The following DMD variants were observed in gnomAD, a reference collection of about 807,000 sequenced individuals.
DMD encodes the protein mutant dystrophin.
A neutral mutation model predicts 330.1 loss-of-function variants in DMD; 63 were observed. The ratio of observed to expected loss-of-function variants is 0.19; its 90% CI spans 0.16 to 0.24. The LOEUF is 0.24. Among genes scored for constraint, DMD ranks in the 10% least tolerant of loss-of-function variants. The pLI, the probability that DMD is intolerant of heterozygous loss-of-function variation, is 1.00. For synonymous variants in DMD, 1,223 were observed against 959.8 expected (o/e 1.27, Z -5.07); for missense variants, 3,344 against 2,684.1 (o/e 1.25, Z -5.43).
At chrX:32,055,365 A>G (rs755819993) in intron 44 of DMD, among the ~76,000 whole-genome samples, 30 of 112,336 alleles carry the variant, frequency 2.7e-4, no homozygotes, top group Middle Eastern at 4.6e-3. Context: ...TTTCAAAACG[A>G]TGTGACATTC....
chrX:33,277,630 T>C (rs752496875), intron 1 of DMD, among the ~76,000 whole-genome samples: 3 of 110,762 alleles, frequency 2.7e-5, no homozygotes, highest in Non-Finnish European at 5.7e-5. Context: ...AAGCTAGTCA[T>C]GCTCAATCAT....
In DMD at chrX:32,609,931, C is replaced by T. The variant is rs765471238; in HGVS notation, c.1482+4372G>A. 1.1e-4 allele frequency among the ~76,000 whole-genome samples: 12 copies of T among 110,976 alleles called. No individual in the cohort carries two copies. In the East Asian group the frequency reaches 2.3e-3, roughly 21 times the overall value. On this transcript the variant is annotated intron_variant, in intron 12 of 78. Transcript: ENST00000357033. ...TAGTAAACTCAGCTTTAAACTTCAT[C>T]GCAGTCTCACTGTGCCAGGAGACAA... is the stretch of plus-strand genomic sequence containing the variant.
chrX:31,173,652 A>G, intron 71 of DMD, 48 bp from the exon 72 acceptor site: 1 of 1,109,243 alleles, frequency 9.0e-7, no homozygotes, highest in Non-Finnish European at 1.2e-6. Flanking sequence ...CCATTAATGG[A>G]GAAAAAACCC....
chrX:33,333,396 C>T (rs1188907664), intron 1 of DMD, among the ~76,000 whole-genome samples: 2 of 111,025 alleles, frequency 1.8e-5, no homozygotes, highest in Admixed American at 1.9e-4. Context: ...TTCAGTGGGT[C>T]TCCCTCATTG....
At chrX:32,034,683 G>T (rs1388492187) in intron 44 of DMD, among the ~76,000 whole-genome samples, 10 of 111,200 alleles carry the variant, frequency 9.0e-5, no homozygotes, top group African/African-American at 3.3e-4. Context: ...TTTCAAAGAA[G>T]ATTTAAAATG....
At chrX:32,164,198 C>T (rs1158389087) in intron 44 of DMD, among the ~76,000 whole-genome samples, 13 of 111,397 alleles carry the variant, frequency 1.2e-4, no homozygotes, top group African/African-American at 3.9e-4. Flanking sequence ...TAGTGAGGTA[C>T]TGCTATAAAG....
At chrX:31,153,133 A>T (rs1245893369) in intron 74 of DMD, among the ~76,000 whole-genome samples, 1 of 111,663 alleles carries the variant, frequency 9.0e-6, no homozygotes, top group Non-Finnish European at 1.9e-5. Context: ...TGATACAGAG[A>T]TATCACTCAT....
chrX:32,692,120 A>G (rs1263708183), intron 9 of DMD, among the ~76,000 whole-genome samples: 1 of 112,200 alleles, frequency 8.9e-6, no homozygotes, highest in African/African-American at 3.2e-5. Flanking sequence ...TTTTACACTT[A>G]AAAATCAGTT....
chrX:31,191,468 T>C (rs1217776333), intron 67 of DMD, among the ~76,000 whole-genome samples: 1 of 111,579 alleles, frequency 9.0e-6, no homozygotes, highest in Non-Finnish European at 1.9e-5. Context: ...AATTCCCACA[T>C]GTCGTGGGAG....
At chrX:32,808,013 T>C (rs772220352) in intron 7 of DMD, among the ~76,000 whole-genome samples, 2 of 111,687 alleles carry the variant, frequency 1.8e-5, no homozygotes, top group East Asian at 5.7e-4. Context: ...TCCTCAGAGG[T>C]TGAAGTCCGT....
chrX:32,580,716 T>C (rs1601859910), intron 13 of DMD, among the ~76,000 whole-genome samples: 1 of 112,351 alleles, frequency 8.9e-6, no homozygotes, highest in East Asian at 2.8e-4. Context: ...CAATTAATGA[T>C]AATTTTTTTT....
intron 44 of DMD, among the ~76,000 whole-genome samples, chrX:32,025,765 G>A (rs1219857651): frequency 9.0e-6 from 1 of 111,438 alleles, no homozygotes; most frequent in Non-Finnish European, 1.9e-5. Flanking sequence ...ATAAAAACAC[G>A]GTCAGAGTTA....
intron 3 of DMD, 151 bp from the exon 4 acceptor site, chrX:32,845,011 G>A (rs2080530671): frequency 1.1e-5 from 6 of 528,862 alleles, no homozygotes; most frequent in South Asian, 5.2e-5. Context: ...AATACTTTGC[G>A]CTAATTGTCC....
At chrX:32,368,243 A>T (rs1031360160) in intron 34 of DMD, among the ~76,000 whole-genome samples, 17 of 111,538 alleles carry the variant, frequency 1.5e-4, no homozygotes, top group African/African-American at 5.5e-4. Flanking sequence ...TGCAAACCTC[A>T]CTCTAATCAT....
At chrX:32,757,738 C>T (rs2071688300) in intron 7 of DMD, among the ~76,000 whole-genome samples, 1 of 112,065 alleles carries the variant, frequency 8.9e-6, no homozygotes, top group Non-Finnish European at 1.9e-5. Flanking sequence ...GTCAATTAAA[C>T]CTTTCCTTTA....
At chrX:31,653,578 A>C (rs1487719645) in intron 54 of DMD, among the ~76,000 whole-genome samples, 1 of 110,686 alleles carries the variant, frequency 9.0e-6, no homozygotes, top group East Asian at 2.9e-4. Context: ...TTCAGAGTTA[A>C]TGCTTATTTC....
Position 32,777,579 on chromosome X carries a change from T to G in DMD, c.649+31914A>C, listed in dbSNP as rs1404728228. Among the ~76,000 whole-genome samples the G allele has an allele frequency of 2.7e-5, 3 of 111,129 alleles. No individual in the cohort carries two copies. In the East Asian group the frequency reaches 8.6e-4, roughly 32 times the overall value. ...AATAAACAAGAATAAGACCTCTGAA[T>G]TCAGGACTTCGCAGTTTTCCAAAAG... On this transcript the variant is annotated intron_variant, in intron 7 of 78. Coordinates refer to ENST00000357033, the MANE Select transcript of DMD (RefSeq NM_004006.3).
At chrX:32,622,376 A>C (rs750691165) in intron 11 of DMD, among the ~76,000 whole-genome samples, 5 of 112,100 alleles carry the variant, frequency 4.5e-5, no homozygotes, top group African/African-American at 1.6e-4. Context: ...AATTGAGAAA[A>C]TATTTCTTTT....
intron 50 of DMD, among the ~76,000 whole-genome samples, chrX:31,806,066 T>C (rs192054876): frequency 7.7e-4 from 86 of 112,266 alleles, no homozygotes; most frequent in African/African-American, 2.7e-3. Context: ...TCTTCTGGCT[T>C]GTAAAACCCA....
Sources: allele counts gnomAD v4.1 joint callset (sites outside exome capture counted in the v4.1 genomes callset), GRCh38; gene constraint gnomAD v4.1.1; transcripts MANE v1.5; gene names NCBI Gene and HGNC (gene_info 2026-07-23, HGNC 2026-07-21).